SGSM1: variants seen among roughly 807,000 people sequenced by gnomAD.
SGSM1 encodes RUN and TBC1 domain containing 2.
In SGSM1, 73 loss-of-function variants were observed where a neutral mutation model predicts 133.8. The ratio of observed to expected loss-of-function variants is 0.55; its 90% CI spans 0.45 to 0.66. The LOEUF is 0.66. Among genes scored for constraint, SGSM1 ranks in the 30% least tolerant of loss-of-function variants. The probability of loss-of-function intolerance (pLI) is 0.00; values close to 1 mark genes in which losing one functional copy is unlikely to be tolerated. For synonymous variants in SGSM1, 563 were observed against 573.0 expected, an observed-to-expected ratio of 0.98 and a Z score of 0.25; for missense variants, 1,213 against 1,448.1, an observed-to-expected ratio of 0.84 and a Z score of 2.64.
intron 15 of SGSM1, among the ~76,000 whole-genome samples, chr22:24,886,389 C>T (rs1476129498): frequency 3.4e-5 from 2 of 59,132 alleles, no homozygotes; most frequent in Non-Finnish European, 6.2e-5. Context: ...TGACAGAGCG[C>T]TCTGTCTCAA....
intron 9 of SGSM1, among the ~76,000 whole-genome samples, chr22:24,866,388 T>C (rs1299738948): frequency 6.6e-6 from 1 of 152,184 alleles, no homozygotes; most frequent in East Asian, 1.9e-4. Flanking sequence ...ATTGAGAGGC[T>C]ATCCTGACTC....
Position 24,858,654 on chromosome 22 carries a change from A to AAAG in SGSM1, c.802-1056_802-1054dup, listed in dbSNP as rs1555926272. On this transcript the variant is annotated intron_variant, in intron 8 of 24. Transcript: ENST00000400358. ...CCATCTCAAAAAAAAAAAAAAAAAAAAAGAAGAAAGACAATCTGGACTTGT... is the reference window on the plus strand; with the variant it reads ...CCATCTCAAAAAAAAAAAAAAAAAAAAAGAAGAAGAAAGACAATCTGGACTTGT... Among the ~76,000 whole-genome samples the AAAG allele has an allele frequency of 5.8e-3, 821 of 142,540 alleles. 9 individuals are homozygous for AAAG. Among genetic ancestry groups the AAAG allele is most frequent in the South Asian group, 0.015 (62 of 4,180 alleles). The allele number at this position is 142,540 out of a possible 152,430, so 93.5% of individuals were successfully genotyped here. A position where few individuals can be genotyped will look rare whatever the true frequency, so the allele number is the denominator to read the frequency against.
At position 24,855,312 on chromosome 22, in the gene SGSM1, A is replaced by G; in HGVS notation, c.551A>G (p.Lys184Arg). The part of the protein sequence containing the change: ...LVGPCALEYT[K>R]MKTADHFWTD... Reference sequence around the variant, plus strand: ...GGGCCCTGTGCCCTAGAGTACACCAAGATGAAGACTGCAGATCACTTCTGG... The same window carrying G: ...GGGCCCTGTGCCCTAGAGTACACCAGGATGAAGACTGCAGATCACTTCTGG... Residue 184 changes from lysine (K) to arginine (R), a missense_variant, in exon 7 of 25, where the codon AAG (lysine) becomes AGG (arginine). Coordinates refer to ENST00000400358, the MANE Select transcript of SGSM1 (RefSeq NM_001098497.3). 1.2e-6 allele frequency: 2 copies of G among 1,612,512 alleles called. No homozygotes were observed. Among genetic ancestry groups the G allele is most frequent in the African/African-American group, 1.3e-5 (1 of 75,006 alleles).
chr22:24,919,747 T>C (rs1933940448), intron 23 of SGSM1, 79 bp from the exon 24 acceptor site: 8 of 1,566,612 alleles, frequency 5.1e-6, no homozygotes, highest in Middle Eastern at 2.3e-4. Context: ...TTTTCCCACC[T>C]TGGGGGGCTT....
chr22:24,915,388 C>T (rs183934859), intron 22 of SGSM1, among the ~76,000 whole-genome samples: 1 of 152,160 alleles, frequency 6.6e-6, no homozygotes, highest in Admixed American at 6.5e-5. Context: ...CAGGCACAAC[C>T]GAATCACTCT....
intron 13 of SGSM1, among the ~76,000 whole-genome samples, chr22:24,879,002 C>G (rs1932175206): frequency 6.6e-6 from 1 of 152,222 alleles, no homozygotes; most frequent in Non-Finnish European, 1.5e-5. Flanking sequence ...ATGATGGTTC[C>G]ATCCTCAGAC....
intron 21 of SGSM1, among the ~76,000 whole-genome samples, chr22:24,908,725 C>T (rs1933503334): frequency 6.6e-6 from 1 of 151,748 alleles, no homozygotes; most frequent in Admixed American, 6.6e-5. Flanking sequence ...TGGCATGAAC[C>T]CAGGAGGCAG....
At chr22:24,900,029 CTTT>C (rs61298228) in intron 19 of SGSM1, among the ~76,000 whole-genome samples, 5 of 133,354 alleles carry the variant, frequency 3.7e-5, no homozygotes, top group Non-Finnish European at 4.7e-5. Flanking sequence ...TAGTCTCTTG[CTTT>C]TTTTTTTTTT....
At chr22:24,899,670 C>T (rs146494080) in intron 19 of SGSM1, among the ~76,000 whole-genome samples, 112 of 151,916 alleles carry the variant, frequency 7.4e-4, no homozygotes, top group African/African-American at 2.4e-3. Flanking sequence ...TACAGGCGCC[C>T]GCCACCACGC....
At chr22:24,870,343 C>G (rs942360206) in intron 12 of SGSM1, among the ~76,000 whole-genome samples, 6 of 152,210 alleles carry the variant, frequency 3.9e-5, no homozygotes. Flanking sequence ...GGGCTTCCCA[C>G]CCCTGTGAAG....
intron 2 of SGSM1, among the ~76,000 whole-genome samples, chr22:24,833,015 A>C (rs1929205959): frequency 6.6e-6 from 1 of 151,316 alleles, no homozygotes; most frequent in African/African-American, 2.4e-5. Context: ...GCTCACTGCA[A>C]CCTCTGCCTC....
intron 13 of SGSM1, among the ~76,000 whole-genome samples, chr22:24,877,762 A>G (rs1932095860): frequency 6.6e-6 from 1 of 150,488 alleles, no homozygotes; most frequent in Non-Finnish European, 1.5e-5. Flanking sequence ...GTATACTTTA[A>G]AGTTTGAGAA....
At chr22:24,866,662 A>G (rs987276422) in intron 9 of SGSM1, among the ~76,000 whole-genome samples, 1 of 152,078 alleles carries the variant, frequency 6.6e-6, no homozygotes, top group Non-Finnish European at 1.5e-5. Context: ...TTCTGCCCTT[A>G]CCACTACTCT....
At chr22:24,879,708 C>T (rs955104663) in intron 14 of SGSM1, among the ~76,000 whole-genome samples, 182 bp downstream of exon 14, 7 of 152,176 alleles carry the variant, frequency 4.6e-5, no homozygotes, top group African/African-American at 9.7e-5. Flanking sequence ...TGTCTACTGA[C>T]GGGATAAATT....
rs548826580 is a variant in SGSM1, at chr22:24,848,184, C to T, written c.302+388C>T. On this transcript the variant is annotated intron_variant, in intron 4 of 24. Coordinates refer to ENST00000400358, the MANE Select transcript of SGSM1 (RefSeq NM_001098497.3). ...CACTTGATGCAGAACTTCATGAGAG[C>T]AGGCAACTAGATCTGTTTTCTCCCA... 4.0e-5 allele frequency among the ~76,000 whole-genome samples: 6 copies of T among 151,686 alleles called. No homozygotes were observed. The East Asian group carries it at 1.2e-3, about 29-fold the overall frequency.
intron 2 of SGSM1, among the ~76,000 whole-genome samples, chr22:24,836,667 G>T (rs758238140): frequency 2.0e-5 from 3 of 152,130 alleles, no homozygotes; most frequent in Non-Finnish European, 4.4e-5. Context: ...ATCTCATTGT[G>T]GTTTTGATTT....
chr22:24,876,499 TGCTC>T, intron 12 of SGSM1, 74 bp from the exon 13 acceptor site: 1 of 1,579,088 alleles, frequency 6.3e-7, no homozygotes, highest in Non-Finnish European at 8.6e-7. Flanking sequence ...GTGAGCTGCT[TGCTC>T]TAGGGTGAGA....
chr22:24,856,251 A>G (rs1178798763), intron 8 of SGSM1, among the ~76,000 whole-genome samples: 1 of 152,208 alleles, frequency 6.6e-6, no homozygotes, highest in African/African-American at 2.4e-5. Context: ...CCTATGTGTC[A>G]GGCACTGTGC....
intron 2 of SGSM1, among the ~76,000 whole-genome samples, chr22:24,824,883 A>G (rs1245322028): frequency 1.3e-5 from 2 of 152,156 alleles, no homozygotes; most frequent in African/African-American, 4.8e-5. Context: ...TTCTGTTTAT[A>G]TCTTTCCATC....
Sources: allele counts gnomAD v4.1 joint callset (sites outside exome capture counted in the v4.1 genomes callset), GRCh38; gene constraint gnomAD v4.1.1; transcripts MANE v1.5; gene names NCBI Gene and HGNC (gene_info 2026-07-23, HGNC 2026-07-21).